CLDN16: variants seen among roughly 807,000 people sequenced by gnomAD.
The protein encoded by CLDN16 is claudin-16.
CLDN16 carries 13 observed loss-of-function variants against 24.6 expected under a neutral mutation model. The observed-to-expected ratio is 0.53, with a 90% CI of 0.34 to 0.84. CLDN16 has a LOEUF of 0.84. Among genes scored for constraint, CLDN16 ranks in the 40% least tolerant of loss-of-function variants. The pLI is 0.01. For synonymous variants in CLDN16, 116 were observed against 106.7 expected (o/e 1.09, Z -0.54); for missense variants, 298 against 292.7 (o/e 1.02, Z -0.13).
At chr3:190,394,870 T>C (rs926447074) in intron 1 of CLDN16, among the ~76,000 whole-genome samples, 10 of 152,174 alleles carry the variant, frequency 6.6e-5, no homozygotes, top group Non-Finnish European at 1.3e-4. Context: ...TTGGTTCATT[T>C]TTAAAAATAA....
At chr3:190,389,802 T>C (rs1325563516) in intron 1 of CLDN16, among the ~76,000 whole-genome samples, 7 of 152,190 alleles carry the variant, frequency 4.6e-5, no homozygotes, top group Non-Finnish European at 7.3e-5. Flanking sequence ...AGATGGCCAG[T>C]GGTAGGTGAT....
Position 190,410,370 on chromosome 3 carries a change from G to A in CLDN16, c.*334G>A. 1 of 200,918 alleles carries A rather than the reference G, an allele frequency of 5.0e-6. No individual in the cohort carries two copies. Among genetic ancestry groups the A allele is most frequent in the Non-Finnish European group, 1.0e-5 (1 of 98,640 alleles). 12.4% of individuals were successfully genotyped at this position (200,918 alleles called of 1,614,324 possible). A position where few individuals can be genotyped will look rare whatever the true frequency, so the allele number is the denominator to read the frequency against. On this transcript the variant is annotated 3_prime_UTR_variant, in exon 5 of 5. Coordinates refer to ENST00000264734, the MANE Select transcript of CLDN16 (RefSeq NM_006580.4). ...ATTAAAATGAAATGATACTTAAACA[G>A]AAAGCAATTTCCAAAGAGGCCAGGG...
At chr3:190,361,531 T>C (rs1717887683) in intron 1 of CLDN16, among the ~76,000 whole-genome samples, 1 of 151,902 alleles carries the variant, frequency 6.6e-6, no homozygotes, top group Non-Finnish European at 1.5e-5. Context: ...ACTAACAAAT[T>C]AGCTACAAGA....
rs60253290 is a variant in CLDN16 at position 190,389,286 on chromosome 3, A to G, written c.114+843A>G. On this transcript the variant is annotated intron_variant, in intron 1 of 4. Coordinates refer to ENST00000264734, the MANE Select transcript of CLDN16 (RefSeq NM_006580.4). ...AAAACACAGGTAAGAAAAAGAAACA[A>G]TATTTCAAGAGCTCAAAAAAAGGAG... 9.8e-3 allele frequency among the ~76,000 whole-genome samples: 1,500 copies of G among 152,290 alleles called. 23 individuals carry two copies. The highest frequency in any genetic ancestry group is 0.034 in the African/African-American group (1,432 of 41,562).
upstream of CLDN16, among the ~76,000 whole-genome samples, chr3:190,387,495 G>A (rs1718532834): frequency 6.6e-6 from 1 of 152,008 alleles, no homozygotes. Flanking sequence ...GCGACTTACA[G>A]GCACAATATC....
At chr3:190,328,833 C>A (rs1717124845) in intron 1 of CLDN16, among the ~76,000 whole-genome samples, 1 of 152,042 alleles carries the variant, frequency 6.6e-6, no homozygotes, top group South Asian at 2.1e-4. Context: ...GAAAGATTTC[C>A]CTAAAAATCT....
At chr3:190,379,034 C>CT (rs1222521483) in intron 3 of CLDN16, among the ~76,000 whole-genome samples, 1 of 152,024 alleles carries the variant, frequency 6.6e-6, no homozygotes, top group Non-Finnish European at 1.5e-5. Context: ...AAAAACTGGG[C>CT]TATAGACCTT....
At chr3:190,334,093 C>G (rs1717245037) in intron 1 of CLDN16, among the ~76,000 whole-genome samples, 1 of 152,088 alleles carries the variant, frequency 6.6e-6, no homozygotes, top group African/African-American at 2.4e-5. Flanking sequence ...TCATTTATTG[C>G]TACTCTGCCA....
In CLDN16 at chr3:190,388,226, C is replaced by T. The variant is rs1456194869; in HGVS notation, c.-104C>T. ...AGAAAAAGTAAAAGACCAGTATTTT[C>T]ACATTGCCAGGTACCAGAAACACAG... On this transcript the variant is annotated 5_prime_UTR_variant, in exon 1 of 5. Coordinates refer to ENST00000264734, the MANE Select transcript of CLDN16 (RefSeq NM_006580.4). 2 of 1,613,980 alleles carry T rather than the reference C, an allele frequency of 1.2e-6. No homozygotes were observed. Among genetic ancestry groups the T allele is most frequent in the Non-Finnish European group, 1.7e-6 (2 of 1,180,014 alleles).
Position 190,338,576 on chromosome 3 carries a change from G to C in CLDN16, n.121+15915G>C, listed in dbSNP as rs924405027. 9.2e-5 allele frequency among the ~76,000 whole-genome samples: 14 copies of C among 152,308 alleles called. No homozygotes were observed. The South Asian group carries it at 2.1e-3, about 23-fold the overall frequency. On this transcript the variant is annotated intron_variant and non_coding_transcript_variant, in intron 1 of 4. Transcript: ENST00000468220. ...AAGGCTCTCAGGGATGAGTGTCTGAGACATCCCACCAGACAAGCCACCTAG... is the reference window on the plus strand; with the variant it reads ...AAGGCTCTCAGGGATGAGTGTCTGACACATCCCACCAGACAAGCCACCTAG...
chr3:190,307,343 G>C, the CLDN16 span: 1 of 152,148 alleles, frequency 6.6e-6, no homozygotes, highest in Non-Finnish European at 1.5e-5. Flanking sequence ...AGTTTAGGGG[G>C]ATATAAAACT....
intron 2 of CLDN16, among the ~76,000 whole-genome samples, chr3:190,403,099 G>A (rs546733575): frequency 1.3e-5 from 2 of 152,220 alleles, no homozygotes; most frequent in South Asian, 2.1e-4. Flanking sequence ...AGGCCAAGGC[G>A]GGTGGATCAC....
At chr3:190,340,361 A>G (rs75901859) in intron 1 of CLDN16, among the ~76,000 whole-genome samples, 10,458 of 152,212 alleles carry the variant, frequency 0.069, 553 homozygotes, top group African/African-American at 0.14. Flanking sequence ...AGTTCCATGC[A>G]GCGGGGAGGC....
intron 1 of CLDN16, among the ~76,000 whole-genome samples, chr3:190,394,780 T>A (rs1718773627): frequency 6.6e-6 from 1 of 152,118 alleles, no homozygotes; most frequent in Non-Finnish European, 1.5e-5. Context: ...AAATAAGAAG[T>A]ATGTCTGTAA....
intron 1 of CLDN16, among the ~76,000 whole-genome samples, chr3:190,363,541 C>CGTGTGTGT (rs202074908): frequency 7.7e-4 from 13 of 16,966 alleles, no homozygotes; most frequent in African/African-American, 2.1e-3. Context: ...AGTTGCTGTG[C>CGTGTGTGT]GTGTGTGTGT....
chr3:190,322,227 C>A (rs778424268), upstream of CLDN16: 9 of 1,610,656 alleles, frequency 5.6e-6, no homozygotes, highest in African/African-American at 1.1e-4. Flanking sequence ...GGCGCCCGCG[C>A]TGGCTCAGGG....
chr3:190,342,857 C>T (rs920546905), intron 1 of CLDN16, among the ~76,000 whole-genome samples: 1 of 152,048 alleles, frequency 6.6e-6, no homozygotes, highest in African/African-American at 2.4e-5. Context: ...CATAAAACTC[C>T]TGGAAAAAAA....
At chr3:190,366,633 T>A (rs893562544) in intron 1 of CLDN16, among the ~76,000 whole-genome samples, 38 of 152,022 alleles carry the variant, frequency 2.5e-4, no homozygotes, top group African/African-American at 9.2e-4. Context: ...CAAAAACACC[T>A]TGGCCAATCC....
upstream of CLDN16, among the ~76,000 whole-genome samples, chr3:190,386,328 T>C (rs1273842963): frequency 1.3e-5 from 2 of 152,168 alleles, no homozygotes; most frequent in African/African-American, 4.8e-5. Context: ...ATCTGTAATG[T>C]ACCTCGCAGA....
Sources: gnomAD v4.1 joint callset for allele counts (sites outside exome capture counted in the v4.1 genomes callset) on GRCh38, gnomAD v4.1.1 for gene constraint, MANE v1.5 for transcripts, NCBI Gene and HGNC (gene_info 2026-07-23, HGNC 2026-07-21) for gene names.